WDR27: variants seen among roughly 807,000 people sequenced by gnomAD.
WDR27 encodes WD repeat-containing protein 27.
WDR27 carries 100 observed loss-of-function variants against 114.4 expected under a neutral mutation model. That is an observed-to-expected ratio of 0.87 (90% CI 0.74 to 1.03). The LOEUF is 1.03. WDR27 is among the 50% of genes least tolerant of loss of function. The probability of loss-of-function intolerance (pLI) is 0.00; values close to 1 mark genes in which losing one functional copy is unlikely to be tolerated. For synonymous variants in WDR27, 449 were observed against 423.1 expected (o/e 1.06, Z -0.75); for missense variants, 1,129 against 1,092.9 (o/e 1.03, Z -0.47).
chr6:169,523,263 A>G (rs1227005635), intron 25 of WDR27, among the ~76,000 whole-genome samples: 1 of 152,126 alleles, frequency 6.6e-6, no homozygotes, highest in East Asian at 1.9e-4. Flanking sequence ...ACTTCAATAA[A>G]CCAGTAATGA....
At chr6:169,475,354 T>C (rs1221425303) in intron 25 of WDR27, among the ~76,000 whole-genome samples, 1 of 152,026 alleles carries the variant, frequency 6.6e-6, no homozygotes, top group Admixed American at 6.6e-5. Context: ...TCCCAAGTAG[T>C]GGGGATTACA....
At chr6:169,497,705 G>A (rs74448465) in intron 25 of WDR27, among the ~76,000 whole-genome samples, 1 of 152,054 alleles carries the variant, frequency 6.6e-6, no homozygotes, top group East Asian at 1.9e-4. Flanking sequence ...CAATGAGATT[G>A]TACCTCACAC....
At chr6:169,522,659 A>G (rs1027732266) in intron 25 of WDR27, among the ~76,000 whole-genome samples, 1 of 152,072 alleles carries the variant, frequency 6.6e-6, no homozygotes, top group African/African-American at 2.4e-5. Flanking sequence ...ATCAATAACA[A>G]GAGAAACCTT....
chr6:169,525,113 A>G (rs1460238424), intron 25 of WDR27, among the ~76,000 whole-genome samples: 2 of 152,228 alleles, frequency 1.3e-5, no homozygotes, highest in Non-Finnish European at 1.5e-5. Flanking sequence ...ATTAAAAAAA[A>G]TCTGAATAGA....
At chr6:169,646,350 G>C (rs1346572029) in intron 16 of WDR27, among the ~76,000 whole-genome samples, 1 of 152,208 alleles carries the variant, frequency 6.6e-6, no homozygotes, top group African/African-American at 2.4e-5. Flanking sequence ...GATGCCAATG[G>C]CCCCTGAAAC....
Position 169,585,890 on chromosome 6 carries a change from G to A in WDR27, c.2425-2956C>T, listed in dbSNP as rs528104859. Among the ~76,000 whole-genome samples, 8 of 152,132 alleles carry A rather than the reference G, an allele frequency of 5.3e-5. No individual in the cohort carries two copies. The South Asian group carries it at 8.3e-4, about 16-fold the overall frequency. ...CGGTGTAACTTTACAGAAATACGTC[G>A]TATTTTCTGCCTGACATTTTTGCTT... On this transcript the variant is annotated intron_variant, in intron 23 of 25. Coordinates refer to ENST00000448612, the MANE Select transcript of WDR27 (RefSeq NM_182552.5).
chr6:169,612,402 T>G (rs1457601658), intron 22 of WDR27, among the ~76,000 whole-genome samples: 12 of 152,138 alleles, frequency 7.9e-5, no homozygotes, highest in Non-Finnish European at 1.6e-4. Context: ...CACTCCAGCC[T>G]GGGTGACAGA....
intron 23 of WDR27, among the ~76,000 whole-genome samples, chr6:169,599,314 G>A (rs1021732527): frequency 2.0e-5 from 3 of 152,258 alleles, no homozygotes; most frequent in South Asian, 2.1e-4. Context: ...GAAGAGATTG[G>A]TATTTGACAT....
chr6:169,580,933 T>TTATATATATATATATA (rs1220748162), intron 24 of WDR27, among the ~76,000 whole-genome samples: 185 of 53,570 alleles, frequency 3.5e-3, no homozygotes, highest in South Asian at 8.4e-3. Flanking sequence ...TTAGTGAATT[T>TTATATATATATATATA]TATATATATA....
chr6:169,449,421 AGTG>A, the WDR27 span, among the ~76,000 whole-genome samples: 1 of 152,168 alleles, frequency 6.6e-6, no homozygotes, highest in South Asian at 2.1e-4. Context: ...TTGTGCAACG[AGTG>A]GTGTTTTCTT....
At chr6:169,524,645 A>G (rs575031286) in intron 25 of WDR27, among the ~76,000 whole-genome samples, 25 of 152,348 alleles carry the variant, frequency 1.6e-4, no homozygotes, top group African/African-American at 5.8e-4. Context: ...CAGCCAACTC[A>G]TTTTTGACAA....
chr6:169,678,887 CAGG>C (rs2128310629), intron 2 of WDR27, among the ~76,000 whole-genome samples: 1 of 152,188 alleles, frequency 6.6e-6, no homozygotes, highest in East Asian at 1.9e-4. Flanking sequence ...TTTCCAGATC[CAGG>C]AGATAATCAA....
chr6:169,623,476 T>C (rs923860679), intron 21 of WDR27, among the ~76,000 whole-genome samples: 2 of 152,264 alleles, frequency 1.3e-5, no homozygotes, highest in African/African-American at 2.4e-5. Flanking sequence ...AGGTGAACCA[T>C]TGGGCGGTTA....
chr6:169,461,277 C>G (rs1784876034), intron 25 of WDR27, among the ~76,000 whole-genome samples: 1 of 152,110 alleles, frequency 6.6e-6, no homozygotes, highest in African/African-American at 2.4e-5. Flanking sequence ...CCAAGTAGAT[C>G]TGCTAAACAC....
At position 169,611,306 on chromosome 6, in the gene WDR27, C is replaced by CTTT. The variant is rs56812983; in HGVS notation, c.2321+2250_2321+2252dup. Among the ~76,000 whole-genome samples, 112 of 132,202 alleles carry CTTT rather than the reference C, an allele frequency of 8.5e-4. 4 individuals are homozygous for CTTT. The East Asian group carries it at 0.01, about 12-fold the overall frequency. 86.7% of individuals were successfully genotyped at this position (132,202 alleles called of 152,430 possible). A position where few individuals can be genotyped will look rare whatever the true frequency, so the allele number is the denominator to read the frequency against. On this transcript the variant is annotated intron_variant, in intron 22 of 25. Coordinates refer to ENST00000448612, the MANE Select transcript of WDR27 (RefSeq NM_182552.5). ...TAGTTTACTGTAACTTTTTTACTTACTTTTTTTTTTTTTTTTTGAGACAGA... is the reference window on the plus strand; with the variant it reads ...TAGTTTACTGTAACTTTTTTACTTACTTTTTTTTTTTTTTTTTTTTGAGACAGA...
chr6:169,686,504 T>C (rs1317913691), intron 2 of WDR27, among the ~76,000 whole-genome samples: 3 of 152,142 alleles, frequency 2.0e-5, no homozygotes, highest in South Asian at 4.1e-4. Flanking sequence ...CAACTATATG[T>C]GGACTACGAG....
At chr6:169,612,631 TAAAAAA>T (rs59134868) in intron 22 of WDR27, among the ~76,000 whole-genome samples, 14 of 97,044 alleles carry the variant, frequency 1.4e-4, no homozygotes, top group Admixed American at 5.5e-4. Flanking sequence ...CTGTCTAACA[TAAAAAA>T]AAAAAAAAAA....
At chr6:169,460,648 G>A (rs1167535056) in intron 25 of WDR27, among the ~76,000 whole-genome samples, 2 of 152,106 alleles carry the variant, frequency 1.3e-5, no homozygotes, top group Non-Finnish European at 2.9e-5. Flanking sequence ...CAGATTGACA[G>A]AATGGATTAA....
intron 21 of WDR27, among the ~76,000 whole-genome samples, chr6:169,623,818 C>T (rs1383358423): frequency 1.3e-5 from 2 of 152,224 alleles, no homozygotes; most frequent in African/African-American, 4.8e-5. Context: ...AAAACTCCTC[C>T]CAACGGCTAC....
Sources: gnomAD v4.1 joint callset for allele counts (sites outside exome capture counted in the v4.1 genomes callset) on GRCh38, gnomAD v4.1.1 for gene constraint, MANE v1.5 for transcripts, NCBI Gene and HGNC (gene_info 2026-07-23, HGNC 2026-07-21) for gene names.